TLE2: variants seen among roughly 807,000 people sequenced by gnomAD.
TLE2 encodes transducin-like enhancer protein 2.
Under a neutral mutation model 97.2 loss-of-function variants are expected in TLE2, and 74 were observed. The observed-to-expected ratio is 0.76, with a 90% CI of 0.63 to 0.92. The LOEUF (loss-of-function observed/expected upper bound fraction) is 0.92, where lower values mean the gene tolerates loss of function less well. Among genes scored for constraint, TLE2 ranks in the 40% least tolerant of loss-of-function variants. The pLI, the probability that TLE2 is intolerant of heterozygous loss-of-function variation, is 0.00. For synonymous variants in TLE2, 499 were observed against 432.1 expected (o/e 1.15, Z -1.92); for missense variants, 1,038 against 1,008.7 (o/e 1.03, Z -0.39).
intron 11 of TLE2, among the ~76,000 whole-genome samples, chr19:3,012,928 C>T (rs1263580596): frequency 6.6e-6 from 1 of 152,114 alleles, no homozygotes; most frequent in Non-Finnish European, 1.5e-5. Context: ...GAGGGCTTCT[C>T]CAATACAACG....
chr19:3,038,054 G>A (rs563840980), intron 1 of TLE2, among the ~76,000 whole-genome samples: 22 of 152,106 alleles, frequency 1.4e-4, no homozygotes, highest in African/African-American at 5.3e-4. Flanking sequence ...CCCAGAAGGC[G>A]GAGGTTGCAG....
At chr19:3,037,283 T>TCAAAAA (rs554261514) in intron 1 of TLE2, among the ~76,000 whole-genome samples, 46 of 152,278 alleles carry the variant, frequency 3.0e-4, no homozygotes, top group African/African-American at 1.1e-3. Flanking sequence ...AGACTCTGTC[T>TCAAAAA]CAAAAACAAA....
intron 1 of TLE2, among the ~76,000 whole-genome samples, chr19:3,039,051 AAAT>A (rs2090081144): frequency 7.3e-6 from 1 of 137,282 alleles, no homozygotes; most frequent in African/African-American, 3.1e-5. Context: ...CTCAAAAAAA[AAAT>A]AAAAATTAAA....
chr19:3,022,198 G>A (rs1203372876), intron 5 of TLE2, among the ~76,000 whole-genome samples: 1 of 151,800 alleles, frequency 6.6e-6, no homozygotes, highest in Non-Finnish European at 1.5e-5. Context: ...ACAGGCACCT[G>A]CCACCACACC....
intron 1 of TLE2, among the ~76,000 whole-genome samples, chr19:3,042,463 G>A: frequency 7.4e-6 from 1 of 135,996 alleles, no homozygotes; most frequent in African/African-American, 2.8e-5. Context: ...GCAGGGGGAG[G>A]TCAGCGGCTG....
chr19:3,001,498 T>A (rs80303210), intron 18 of TLE2, among the ~76,000 whole-genome samples: 1,985 of 152,036 alleles, frequency 0.013, 26 homozygotes, highest in Non-Finnish European at 0.013. Flanking sequence ...GATTTTTTTT[T>A]AAAAAGAGAT....
chr19:3,015,850 A>G (rs548923018), intron 8 of TLE2, 90 bp from the exon 9 acceptor site: 19 of 980,452 alleles, frequency 1.9e-5, no homozygotes, highest in African/African-American at 1.6e-4. Context: ...AGGGTCCCCC[A>G]CCATTATTAG....
chr19:3,014,635 G>C (rs1215269562), intron 9 of TLE2, 21 bp from the exon 10 acceptor site: 1 of 1,586,866 alleles, frequency 6.3e-7, no homozygotes, highest in Admixed American at 1.8e-5. Flanking sequence ...ATGGGGGAGA[G>C]AGCTCATTGT....
At position 3,002,466 on chromosome 19, in the gene TLE2, AG is replaced by A; in HGVS notation, c.1933del (p.Leu645TrpfsTer33). ...SLGHCPNQDW[L>X]AVGMESSNVE... ...GTTGCTACTCTCCATTCCGACCGCC[AG>A]CCAGTCCTGGTTAGGGCAGTGGCCC... On this transcript the variant is annotated frameshift_variant, in exon 18 of 20. Transcript: ENST00000262953. LOFTEE classifies it high-confidence loss of function. 6.2e-7 allele frequency: 1 copy of A among 1,600,644 alleles called. No homozygotes were observed. Among genetic ancestry groups the A allele is most frequent in the Non-Finnish European group, 8.5e-7 (1 of 1,173,840 alleles).
upstream of TLE2, among the ~76,000 whole-genome samples, chr19:3,045,958 T>G (rs544225838): frequency 7.9e-5 from 12 of 152,326 alleles, 1 homozygote; most frequent in Admixed American, 3.3e-4. Flanking sequence ...GAGAATCCTT[T>G]GAGAGATCCA....
chr19:3,014,287 G>C (rs1418137274), intron 10 of TLE2, among the ~76,000 whole-genome samples: 1 of 152,156 alleles, frequency 6.6e-6, no homozygotes, highest in African/African-American at 2.4e-5. Flanking sequence ...TAAAGGCTTG[G>C]TTTTATTTTC....
intron 1 of TLE2, among the ~76,000 whole-genome samples, chr19:3,039,195 G>A (rs965559529): frequency 2.5e-5 from 3 of 121,600 alleles, no homozygotes; most frequent in Non-Finnish European, 5.1e-5. Flanking sequence ...GGCTGGCCAA[G>A]AAGAGCAAAA....
rs1325863365 is a variant in TLE2, at chr19:3,019,875, C to T, written c.295-102G>A. Reference sequence around the variant, plus strand: ...TCTCCCCGCCACCCTCTCATCTTTGCCCCGGTACTTCCCATTTCTCTTTTA... The same window carrying T: ...TCTCCCCGCCACCCTCTCATCTTTGTCCCGGTACTTCCCATTTCTCTTTTA... On this transcript the variant is annotated intron_variant, in intron 5 of 19. Transcript: ENST00000262953. The surrounding 1 kb of genome is among the most constrained non-coding windows in gnomAD (Gnocchi z 5.1). 2 of 1,409,930 alleles carry T rather than the reference C, an allele frequency of 1.4e-6. No homozygotes were observed. Among genetic ancestry groups the T allele is most frequent in the Admixed American group, 2.1e-5 (1 of 46,740 alleles). The allele number at this position is 1,409,930 out of a possible 1,614,324, so 87.3% of individuals were successfully genotyped here. A position where few individuals can be genotyped will look rare whatever the true frequency, so the allele number is the denominator to read the frequency against.
intron 4 of TLE2, 86 bp from the exon 5 acceptor site, chr19:3,025,168 A>G (rs2089920617): frequency 7.3e-7 from 1 of 1,376,224 alleles, no homozygotes; most frequent in East Asian, 2.6e-5. Context: ...AGGTGTTGGC[A>G]AAGCCGAAGG....
At position 2,998,088 on chromosome 19, in the gene TLE2, G is replaced by C. The variant is rs2089256860; in HGVS notation, c.2125-133C>G. The C allele has an allele frequency of 4.7e-6, 3 of 642,020 alleles. No homozygotes were observed. In the Admixed American group the frequency reaches 7.3e-5, roughly 16 times the overall value. The allele number at this position is 642,020 out of a possible 1,614,324, so 39.8% of individuals were successfully genotyped here. On this transcript the variant is annotated intron_variant, in intron 19 of 19. Coordinates refer to ENST00000262953, the MANE Select transcript of TLE2 (RefSeq NM_003260.5). ...TACAGAGTGACGTGTTTCTTTTTTT[G>C]AGATGGAGTTTTGTTCTTGTCGCCC... is the stretch of plus-strand genomic sequence containing the variant.
In TLE2 at chr19:2,998,049, G is replaced by A. The variant is rs551037753; in HGVS notation, c.2125-94C>T. 5.7e-5 allele frequency: 47 copies of A among 825,056 alleles called. No homozygotes were observed. The Admixed American group carries it at 6.1e-4, about 11-fold the overall frequency. The allele number at this position is 825,056 out of a possible 1,614,324, so 51.1% of individuals were successfully genotyped here. On this transcript the variant is annotated intron_variant, in intron 19 of 19. Coordinates refer to ENST00000262953, the MANE Select transcript of TLE2 (RefSeq NM_003260.5). ...GGCTGGGGCGGAGTCAGGAACGGGAGGTCAGGACTCGCCTACAGAGTGACG... is the reference window on the plus strand; with the variant it reads ...GGCTGGGGCGGAGTCAGGAACGGGAAGTCAGGACTCGCCTACAGAGTGACG...
intron 13 of TLE2, among the ~76,000 whole-genome samples, 192 bp downstream of exon 13, chr19:3,009,350 A>C (rs544359175): frequency 1.1e-4 from 16 of 152,290 alleles, no homozygotes; most frequent in African/African-American, 3.9e-4. Context: ...TTCCACAATC[A>C]GAAGTCTTGC....
Position 3,005,518 on chromosome 19 carries a change from CCAGAGCCGAG to C in TLE2, c.1805_1814del (p.Thr602ArgfsTer73). 1 of 1,613,814 alleles carries C rather than the reference CCAGAGCCGAG, an allele frequency of 6.2e-7. No individual in the cohort carries two copies. The highest frequency in any genetic ancestry group is 8.5e-7 in the Non-Finnish European group (1 of 1,179,838). On this transcript the variant is annotated frameshift_variant, in exon 17 of 20. Transcript: ENST00000262953. LOFTEE classifies it high-confidence loss of function. Reference sequence around the variant, plus strand: ...GCACCGTGTTGTCCAGGCCCCCTGTCCAGAGCCGAGTGCCGTAATCGGAAATATCAATGCA... The same window carrying C: ...GCACCGTGTTGTCCAGGCCCCCTGTCTGCCGTAATCGGAAATATCAATGCA...
chr19:3,028,364 C>T lies in TLE2; in HGVS notation c.141G>A (p.Glu47=). 6.2e-7 allele frequency: 1 copy of T among 1,608,792 alleles called. No individual in the cohort carries two copies. The highest frequency in any genetic ancestry group is 8.5e-7 in the Non-Finnish European group (1 of 1,177,386). The change falls in exon 3 of 20, where the codon GAG becomes GAA. Residue 47 remains glutamate, a synonymous_variant. Coordinates refer to ENST00000262953, the MANE Select transcript of TLE2 (RefSeq NM_003260.5). ...AQYHSLKLEC[E]KLASEKTEMQ... Reference sequence around the variant, plus strand: ...TTTCCGTCTTCTCGCTGGCCAGCTTCTCACATTCTAGCTTGAGGCTGAGAA... The same window carrying T: ...TTTCCGTCTTCTCGCTGGCCAGCTTTTCACATTCTAGCTTGAGGCTGAGAA...
Sources: allele counts gnomAD v4.1 joint callset (sites outside exome capture counted in the v4.1 genomes callset), GRCh38; gene constraint gnomAD v4.1.1; non-coding constraint Gnocchi (gnomAD v3.1); transcripts MANE v1.5; gene names NCBI Gene and HGNC (gene_info 2026-07-23, HGNC 2026-07-21).